Variants in L3MBTL4 observed in about 807,000 individuals in gnomAD.
L3MBTL4 encodes lethal(3)malignant brain tumor-like protein 4.
Under a neutral mutation model 84.5 loss-of-function variants are expected in L3MBTL4, and 70 were observed. That is an observed-to-expected ratio of 0.83 (90% CI 0.68 to 1.01). The LOEUF (loss-of-function observed/expected upper bound fraction) is 1.01, where lower values mean the gene tolerates loss of function less well. Among genes scored for constraint, L3MBTL4 ranks in the 50% least tolerant of loss-of-function variants. The pLI is 0.00. For missense variants in L3MBTL4, 715 were observed against 754.8 expected, an observed-to-expected ratio of 0.95 and a Z score of 0.62; for synonymous variants, 274 against 259.8, an observed-to-expected ratio of 1.05 and a Z score of -0.52.
intron 16 of L3MBTL4, among the ~76,000 whole-genome samples, chr18:5,976,176 T>C (rs1006439154): frequency 2.0e-5 from 3 of 152,214 alleles, no homozygotes; most frequent in African/African-American, 4.8e-5. Context: ...AGATGTGCTA[T>C]AGTACCTCCT....
intron 12 of L3MBTL4, among the ~76,000 whole-genome samples, chr18:6,178,743 G>A (rs1418106553): frequency 6.6e-6 from 1 of 152,130 alleles, no homozygotes; most frequent in East Asian, 1.9e-4. Context: ...AAATAACTTG[G>A]AAATTTAAAA....
At chr18:5,963,434 A>G (rs1482133924) in intron 17 of L3MBTL4, among the ~76,000 whole-genome samples, 2 of 152,254 alleles carry the variant, frequency 1.3e-5, no homozygotes, top group Non-Finnish European at 2.9e-5. Flanking sequence ...AACAGAGCAG[A>G]CGCGGCCCTG....
chr18:5,989,796 C>T (rs944730847), intron 16 of L3MBTL4, among the ~76,000 whole-genome samples: 1 of 152,220 alleles, frequency 6.6e-6, no homozygotes, highest in Non-Finnish European at 1.5e-5. Flanking sequence ...CTCCTGGAGG[C>T]TGCACCCTGT....
intron 1 of L3MBTL4, among the ~76,000 whole-genome samples, chr18:6,404,283 T>G (rs1354368150): frequency 6.6e-6 from 1 of 152,228 alleles, no homozygotes; most frequent in Non-Finnish European, 1.5e-5. Flanking sequence ...TTGGAACCCC[T>G]GATCCACAGA....
intron 1 of L3MBTL4, chr18:6,396,629 T>C (rs1449986968): frequency 6.6e-6 from 1 of 152,236 alleles, no homozygotes; most frequent in Admixed American, 6.5e-5. Context: ...GCATTGTTCT[T>C]CCTAAGAAAA....
At chr18:6,002,203 C>G (rs959079671) in intron 16 of L3MBTL4, among the ~76,000 whole-genome samples, 3 of 152,208 alleles carry the variant, frequency 2.0e-5, no homozygotes, top group African/African-American at 7.2e-5. Flanking sequence ...AAGCCAAACT[C>G]TCTTGCAAAA....
At chr18:6,359,810 ATTC>A (rs2053603188) in intron 1 of L3MBTL4, among the ~76,000 whole-genome samples, 2 of 152,032 alleles carry the variant, frequency 1.3e-5, no homozygotes, top group Non-Finnish European at 2.9e-5. Flanking sequence ...GAGACTGTAC[ATTC>A]TCTGCATCTC....
intron 17 of L3MBTL4, among the ~76,000 whole-genome samples, chr18:5,968,175 A>T (rs575358461): frequency 6.6e-6 from 1 of 152,262 alleles, no homozygotes; most frequent in Non-Finnish European, 1.5e-5. Context: ...CTCCAGGAAC[A>T]TTGTGTGACT....
At chr18:6,311,700 C>A (rs913526680) in intron 2 of L3MBTL4, 44 bp from the exon 3 acceptor site, 3 of 1,111,274 alleles carry the variant, frequency 2.7e-6, no homozygotes, top group East Asian at 2.4e-5. Flanking sequence ...GGGGGTGTGA[C>A]CCCTTCAGAA....
chr18:6,110,641 G>A (rs763287002), intron 14 of L3MBTL4, among the ~76,000 whole-genome samples: 1 of 151,886 alleles, frequency 6.6e-6, no homozygotes, highest in African/African-American at 2.4e-5. Context: ...GTGCACATGT[G>A]TATGTGTGTG....
chr18:6,237,445 CTTTT>C (rs1173599586), intron 10 of L3MBTL4, among the ~76,000 whole-genome samples: 2 of 88,886 alleles, frequency 2.3e-5, no homozygotes, highest in African/African-American at 4.7e-5. Context: ...CCTAGTACAT[CTTTT>C]TTTTTTTTTT....
intron 1 of L3MBTL4, among the ~76,000 whole-genome samples, chr18:6,323,307 C>A (rs192006746): frequency 6.6e-6 from 1 of 152,280 alleles, no homozygotes; most frequent in Admixed American, 6.5e-5. Context: ...GTGGAAACAG[C>A]TTTGGAACTG....
intron 15 of L3MBTL4, 139 bp downstream of exon 15, chr18:6,093,216 C>T (rs2058516199): frequency 1.6e-6 from 1 of 643,348 alleles, no homozygotes; most frequent in South Asian, 2.7e-5. Flanking sequence ...ATTTTATCAG[C>T]CCAGCGAACC....
intron 11 of L3MBTL4, among the ~76,000 whole-genome samples, chr18:6,215,065 T>G (rs1407716622): frequency 1.3e-5 from 2 of 152,102 alleles, no homozygotes; most frequent in Non-Finnish European, 2.9e-5. Context: ...CTCTAGACAA[T>G]TTTCAGTAAA....
chr18:6,219,648 G>A (rs1162497519), intron 10 of L3MBTL4, among the ~76,000 whole-genome samples: 2 of 151,598 alleles, frequency 1.3e-5, no homozygotes, highest in Admixed American at 6.6e-5. Flanking sequence ...CCGGTAAAAC[G>A]GTAGATCTGG....
At chr18:6,305,546 T>C (rs955192194) in intron 3 of L3MBTL4, among the ~76,000 whole-genome samples, 1 of 152,128 alleles carries the variant, frequency 6.6e-6, no homozygotes, top group Non-Finnish European at 1.5e-5. Context: ...CAATACAAAA[T>C]GCGAAAAATA....
intron 16 of L3MBTL4, among the ~76,000 whole-genome samples, chr18:6,040,960 A>C (rs533844053): frequency 1.3e-5 from 2 of 152,376 alleles, no homozygotes; most frequent in East Asian, 3.9e-4. Flanking sequence ...GAATTTAAAA[A>C]AGTAAAACAA....
At chr18:5,988,380 A>G (rs758536091) in intron 16 of L3MBTL4, among the ~76,000 whole-genome samples, 2 of 152,224 alleles carry the variant, frequency 1.3e-5, no homozygotes, top group Non-Finnish European at 2.9e-5. Flanking sequence ...GCCCTGTATG[A>G]TATATTCAGA....
At chr18:6,312,379 C>T (rs1044132374) in intron 1 of L3MBTL4, among the ~76,000 whole-genome samples, 8 of 152,156 alleles carry the variant, frequency 5.3e-5, no homozygotes, top group East Asian at 1.9e-4. Context: ...ACCTGAACAA[C>T]GACACTCCAA....
Sources: gnomAD v4.1 joint callset for allele counts (sites outside exome capture counted in the v4.1 genomes callset) on GRCh38, gnomAD v4.1.1 for gene constraint, MANE v1.5 for transcripts, NCBI Gene and HGNC (gene_info 2026-07-23, HGNC 2026-07-21) for gene names.